Variants in HDAC8 observed in about 807,000 individuals in gnomAD.
HDAC8 encodes histone deacetylase-like 1.
HDAC8 carries 1 observed loss-of-function variant against 32.2 expected under a neutral mutation model. The ratio of observed to expected loss-of-function variants is 0.03; its 90% CI spans 0.01 to 0.15. HDAC8 has a LOEUF of 0.15. Ranked by LOEUF, HDAC8 falls within the 10% of genes least tolerant of loss-of-function variation. The pLI, the probability that HDAC8 is intolerant of heterozygous loss-of-function variation, is 1.00. For missense variants in HDAC8, 117 were observed against 300.0 expected, an observed-to-expected ratio of 0.39 and a Z score of 4.51; for synonymous variants, 108 against 113.9, an observed-to-expected ratio of 0.95 and a Z score of 0.33.
chrX:72,349,180 G>A (rs782792932), intron 10 of HDAC8, among the ~76,000 whole-genome samples: 92 of 112,458 alleles, frequency 8.2e-4, no homozygotes, highest in African/African-American at 2.5e-3. Flanking sequence ...TTTGCACTGT[G>A]ACAGATATAT....
chrX:72,433,669 G>T (rs1288721727), intron 9 of HDAC8, among the ~76,000 whole-genome samples: 2 of 112,117 alleles, frequency 1.8e-5, no homozygotes, highest in Non-Finnish European at 3.8e-5. Context: ...CCACCCAAAA[G>T]ATGAGAAACC....
intron 4 of HDAC8, among the ~76,000 whole-genome samples, chrX:72,524,018 T>A (rs2050061160): frequency 1.8e-5 from 2 of 112,079 alleles, no homozygotes; most frequent in Non-Finnish European, 3.8e-5. Flanking sequence ...TTTCTGTAAA[T>A]GAAGTTTTAT....
chrX:72,465,642 C>T (rs1177896812), intron 7 of HDAC8, among the ~76,000 whole-genome samples: 3 of 111,340 alleles, frequency 2.7e-5, no homozygotes, highest in Non-Finnish European at 3.8e-5. Context: ...CTTACAGAGA[C>T]GTATAAACAA....
chrX:72,400,103 G>C (rs1555966932), intron 9 of HDAC8, among the ~76,000 whole-genome samples: 2 of 111,386 alleles, frequency 1.8e-5, no homozygotes, highest in Non-Finnish European at 3.8e-5. Flanking sequence ...TTACCTCATT[G>C]GTTATTCTCT....
At chrX:72,371,307 G>A (rs536885345) in intron 9 of HDAC8, among the ~76,000 whole-genome samples, 1 of 111,477 alleles carries the variant, frequency 9.0e-6, no homozygotes, top group Non-Finnish European at 1.9e-5. Context: ...GAAAGTTCCC[G>A]TAATGAAAAG....
At chrX:72,484,045 G>GA (rs1309740799) in intron 7 of HDAC8, among the ~76,000 whole-genome samples, 1 of 112,230 alleles carries the variant, frequency 8.9e-6, no homozygotes, top group East Asian at 2.8e-4. Context: ...ATTTAAAATA[G>GA]AAAAGTGTAA....
At chrX:72,507,555 T>C (rs1415474842) in intron 4 of HDAC8, among the ~76,000 whole-genome samples, 1 of 111,754 alleles carries the variant, frequency 8.9e-6, no homozygotes, top group Admixed American at 9.5e-5. Flanking sequence ...TCCTCACAAC[T>C]CCCAAAAGAC....
chrX:72,329,996 G>A lies in HDAC8; in HGVS notation c.*58C>T, dbSNP rs2043471685. 2 of 1,062,441 alleles carry A rather than the reference G, an allele frequency of 1.9e-6. No homozygotes were observed. Among genetic ancestry groups the A allele is most frequent in the Non-Finnish European group, 2.6e-6 (2 of 765,501 alleles). The allele number at this position is 1,062,441 out of a possible 1,213,427, so 87.6% of individuals were successfully genotyped here. A position where few individuals can be genotyped will look rare whatever the true frequency, so the allele number is the denominator to read the frequency against. Reference sequence around the variant, plus strand: ...TTCCACAAACTGCTTGCATAAACACGCTGTCTTCATTATAGGCACCACTCC... The same window carrying A: ...TTCCACAAACTGCTTGCATAAACACACTGTCTTCATTATAGGCACCACTCC... On this transcript the variant is annotated 3_prime_UTR_variant, in exon 11 of 11. Coordinates refer to ENST00000373573, the MANE Select transcript of HDAC8 (RefSeq NM_018486.3).
intron 9 of HDAC8, among the ~76,000 whole-genome samples, chrX:72,360,138 C>T (rs781807888): frequency 2.8e-5 from 3 of 108,887 alleles, no homozygotes; most frequent in East Asian, 5.8e-4. Flanking sequence ...GGGCAGGTCA[C>T]GAGGTCAGGA....
chrX:72,505,506 G>A (rs1279154660), intron 4 of HDAC8, among the ~76,000 whole-genome samples: 1 of 111,598 alleles, frequency 9.0e-6, no homozygotes, highest in Non-Finnish European at 1.9e-5. Flanking sequence ...ACTTTATCTT[G>A]TCTGGTGGAG....
At chrX:72,490,433 A>C (rs2048827463) in intron 6 of HDAC8, among the ~76,000 whole-genome samples, 1 of 108,012 alleles carries the variant, frequency 9.3e-6, no homozygotes, top group Non-Finnish European at 1.9e-5. Flanking sequence ...ATAAAAAAGG[A>C]TGAGTTCATG....
At chrX:72,515,151 T>C (rs2049749020) in intron 4 of HDAC8, among the ~76,000 whole-genome samples, 2 of 111,136 alleles carry the variant, frequency 1.8e-5, no homozygotes, top group Admixed American at 9.6e-5. Flanking sequence ...CCAGAACGTA[T>C]TCATCTTGTG....
At position 72,403,903 on chromosome X, in the gene HDAC8, A is replaced by G. The variant is rs1180250673; in HGVS notation, c.1006-52065T>C. Among the ~76,000 whole-genome samples, 9 of 111,478 alleles carry G rather than the reference A, an allele frequency of 8.1e-5. No individual in the cohort carries two copies. The South Asian group carries it at 1.1e-3, about 14-fold the overall frequency. On this transcript the variant is annotated intron_variant, in intron 9 of 10. Transcript: ENST00000373573. ...ACACAGTACCTGGGTTATGGGATCA[A>G]TTGTACCCCAAACCTCACCATCATG...
intron 9 of HDAC8, among the ~76,000 whole-genome samples, chrX:72,456,473 A>G (rs1555989648): frequency 9.0e-6 from 1 of 111,711 alleles, no homozygotes; most frequent in Non-Finnish European, 1.9e-5. Flanking sequence ...GTAATGTAAT[A>G]CTATTTAAAA....
chrX:72,556,440 C>T (rs782597631), intron 4 of HDAC8, among the ~76,000 whole-genome samples: 2 of 111,810 alleles, frequency 1.8e-5, no homozygotes, highest in South Asian at 7.5e-4. Context: ...AAATGCTCCA[C>T]TTAAAAGATA....
intron 7 of HDAC8, among the ~76,000 whole-genome samples, chrX:72,484,455 T>C (rs1300052884): frequency 1.8e-5 from 2 of 112,365 alleles, no homozygotes; most frequent in Admixed American, 1.9e-4. Context: ...CTAAGCTGAA[T>C]AGTTGAATAT....
At chrX:72,383,867 C>G (rs1183569078) in intron 9 of HDAC8, among the ~76,000 whole-genome samples, 1 of 72,051 alleles carries the variant, frequency 1.4e-5, no homozygotes, top group Non-Finnish European at 2.5e-5. Context: ...GAGATGCCAT[C>G]TCAAAAAAAA....
Position 72,572,064 on chromosome X carries a change from G to T in HDAC8, c.157C>A (p.Gln53Lys). The change falls in exon 2 of 11, where the codon CAG (glutamine) becomes AAG (lysine). Residue 53 changes from glutamine (Q) to lysine (K), a missense_variant. This residue lies in a region of HDAC8 where 37 missense variants were observed against 53.1 expected (regional missense o/e 0.70). Transcript: ENST00000373573. ...SLIEAYALHK[Q>K]MRIVKPKVAS... ...TCAAGAAAGACAACTTACCTCATCT[G>T]CTTATGCAGTGCATATGCTTCAATC... The T allele has an allele frequency of 8.4e-7, 1 of 1,192,980 alleles. No individual in the cohort carries two copies. Among genetic ancestry groups the T allele is most frequent in the East Asian group, 3.0e-5 (1 of 33,136 alleles).
At chrX:72,420,762 A>G (rs1263744492) in intron 9 of HDAC8, among the ~76,000 whole-genome samples, 2 of 112,115 alleles carry the variant, frequency 1.8e-5, no homozygotes, top group Admixed American at 1.9e-4. Flanking sequence ...GGGTGATATT[A>G]GTAAGCCACC....
Sources: gnomAD v4.1 joint callset for allele counts (sites outside exome capture counted in the v4.1 genomes callset) on GRCh38, gnomAD v4.1.1 for gene constraint, gnomAD v4.1.1 regional missense constraint, MANE v1.5 for transcripts, NCBI Gene and HGNC (gene_info 2026-07-23, HGNC 2026-07-21) for gene names.